Variants in PML observed in about 807,000 individuals in gnomAD.
PML encodes the protein PML nuclear body scaffold, also known as protein PML.
Under a neutral mutation model 65.2 loss-of-function variants are expected in PML, and 28 were observed. That is an observed-to-expected ratio of 0.43 (90% CI 0.32 to 0.59). The LOEUF is 0.59. PML is among the 20% of genes least tolerant of loss of function. The pLI, the probability that PML is intolerant of heterozygous loss-of-function variation, is 0.08. For synonymous variants in PML, 500 were observed against 508.8 expected, an observed-to-expected ratio of 0.98 and a Z score of 0.23; for missense variants, 1,021 against 1,203.4, an observed-to-expected ratio of 0.85 and a Z score of 2.24.
rs2071000556 is a variant in PML, at chr15:74,024,796, G to T, written c.1184-61G>T. On this transcript the variant is annotated intron_variant, in intron 3 of 8. Transcript: ENST00000268058. ...GACCTCCTCTCTATCACTGTCCCAG[G>T]TCAGGATGTCCCTTACCAGCATGTC... The T allele has an allele frequency of 4.1e-6, 5 of 1,211,032 alleles. No homozygotes were observed. In the Admixed American group the frequency reaches 5.0e-5, roughly 12 times the overall value. The allele number at this position is 1,211,032 out of a possible 1,614,324, so 75.0% of individuals were successfully genotyped here. A position where few individuals can be genotyped will look rare whatever the true frequency, so the allele number is the denominator to read the frequency against.
chr15:74,039,918 A>T (rs1022394125), intron 7 of PML, among the ~76,000 whole-genome samples: 14 of 152,122 alleles, frequency 9.2e-5, no homozygotes, highest in African/African-American at 3.1e-4. Flanking sequence ...TACAATGCCA[A>T]TCCAGCCACT....
At chr15:74,034,906 G>C (rs1426095819) in intron 7 of PML, 1 of 1,440,170 alleles carries the variant, frequency 6.9e-7, no homozygotes, top group Non-Finnish European at 9.1e-7. Flanking sequence ...GTGGGGGCCA[G>C]TGAAGGGGTG....
At chr15:74,016,498 T>A (rs1318599872) in intron 2 of PML, among the ~76,000 whole-genome samples, 1 of 152,044 alleles carries the variant, frequency 6.6e-6, no homozygotes, top group Non-Finnish European at 1.5e-5. Context: ...TTTGTTGTAA[T>A]ACCTAGATGG....
At chr15:74,010,710 G>C (rs1482971745) in intron 2 of PML, among the ~76,000 whole-genome samples, 1 of 152,120 alleles carries the variant, frequency 6.6e-6, no homozygotes, top group Non-Finnish European at 1.5e-5. Context: ...TTCGAAGCTT[G>C]AATTTGTGGA....
intron 2 of PML, among the ~76,000 whole-genome samples, chr15:74,021,896 GA>G (rs1280476482): frequency 6.6e-6 from 1 of 152,228 alleles, no homozygotes; most frequent in Non-Finnish European, 1.5e-5. Context: ...GCACCTAGAG[GA>G]ATGCTCTGAG....
At chr15:73,995,450 A>G (rs1184901060) in intron 1 of PML, among the ~76,000 whole-genome samples, 6 of 152,208 alleles carry the variant, frequency 3.9e-5, no homozygotes, top group African/African-American at 1.4e-4. Flanking sequence ...TTTCTGCTTA[A>G]GGAAGCCTCC....
At chr15:74,028,219 T>C (rs1475608421) in intron 4 of PML, 1 of 152,164 alleles carries the variant, frequency 6.6e-6, no homozygotes, top group African/African-American at 2.4e-5. Flanking sequence ...AAATTATAAA[T>C]CAGTCATTAT....
rs181107966 is a variant in PML, at chr15:74,045,155, C to T, written c.*147C>T. Reference sequence around the variant, plus strand: ...CAGAATCAGTTCCCTTTCTCTGGGACCAAATTTCCCTTCTCTAAACATCCT... The same window carrying T: ...CAGAATCAGTTCCCTTTCTCTGGGATCAAATTTCCCTTCTCTAAACATCCT... On this transcript the variant is annotated 3_prime_UTR_variant, in exon 9 of 9. Coordinates refer to ENST00000268058, the MANE Select transcript of PML (RefSeq NM_033238.3). 4.5e-4 allele frequency: 323 copies of T among 720,310 alleles called. 1 individual carries two copies. The African/African-American group carries it at 5.4e-3, about 12-fold the overall frequency. 44.6% of individuals were successfully genotyped at this position (720,310 alleles called of 1,614,324 possible).
Position 73,994,779 on chromosome 15 carries a change from A to G in PML, c.-34A>G. 1 of 1,550,542 alleles carries G rather than the reference A, an allele frequency of 6.4e-7. No individual in the cohort carries two copies. The highest frequency in any genetic ancestry group is 8.7e-7 in the Non-Finnish European group (1 of 1,146,864). Reference sequence around the variant, plus strand: ...TCAGCTTCTCTTCACGCACTCCAAGATCTAAACCGAGAATCGAAACTAAGC... The same window carrying G: ...TCAGCTTCTCTTCACGCACTCCAAGGTCTAAACCGAGAATCGAAACTAAGC... On this transcript the variant is annotated 5_prime_UTR_variant, in exon 1 of 9. Transcript: ENST00000268058.
At chr15:74,020,679 T>C (rs1229204664) in intron 2 of PML, among the ~76,000 whole-genome samples, 2 of 152,182 alleles carry the variant, frequency 1.3e-5, no homozygotes, top group African/African-American at 4.8e-5. Flanking sequence ...AGGTAAGAAG[T>C]CTGAAACAGG....
Position 74,037,116 on chromosome 15 carries a change from C to T in PML, c.1710+2586C>T. The T allele has an allele frequency of 2.0e-6, 2 of 985,448 alleles. No homozygotes were observed. Among genetic ancestry groups the T allele is most frequent in the Non-Finnish European group, 2.4e-6 (2 of 829,928 alleles). The allele number at this position is 985,448 out of a possible 1,614,324, so 61.0% of individuals were successfully genotyped here. ...GAAAACTATGAGTGGTTGCCTGTGACTGCTAAGGGCTCCTTGGTGCTCCGC... is the reference window on the plus strand; with the variant it reads ...GAAAACTATGAGTGGTTGCCTGTGATTGCTAAGGGCTCCTTGGTGCTCCGC... On this transcript the variant is annotated intron_variant, in intron 7 of 8. Transcript: ENST00000268058. This position sits in a 1 kb window ranked among gnomAD's most constrained non-coding sequence, Gnocchi z 4.2.
chr15:74,034,520 C>G lies in PML; in HGVS notation c.1700C>G (p.Ala567Gly), dbSNP rs371956504. Residue 567 changes from alanine to glycine, a missense_variant, in exon 7 of 9, where the codon GCC (alanine) becomes GGC (glycine). Ala to Gly is a moderately conservative substitution (Grantham distance 60). Coordinates refer to ENST00000268058, the MANE Select transcript of PML (RefSeq NM_033238.3). Reference protein sequence around the residue: ...VVISSSEDSDAENSSSRELDD... With the variant: ...VVISSSEDSDGENSSSRELDD... ...ATCAGCAGCTCGGAAGACTCAGATG[C>G]CGAAAACTCGGTGAGTGGCCCAGAA... is the stretch of plus-strand genomic sequence containing the variant. 1 of 1,614,166 alleles carries G rather than the reference C, an allele frequency of 6.2e-7. No individual in the cohort carries two copies. Among genetic ancestry groups the G allele is most frequent in the East Asian group, 2.2e-5 (1 of 44,882 alleles).
At position 74,022,835 on chromosome 15, in the gene PML, T is replaced by C. The variant is rs1270889485; in HGVS notation, c.610T>C (p.Cys204Arg). The change falls in exon 3 of 9, where the codon TGC (cysteine) becomes CGC (arginine). Residue 204 changes from cysteine to arginine, a missense_variant. Coordinates refer to ENST00000268058, the MANE Select transcript of PML (RefSeq NM_033238.3). The stretch of plus-strand genomic sequence containing the variant: ...AACCTTGTGTGTCCACAGCATCTAC[T>C]GCCGAGGATGTTCCAAGCCGCTGTG... Reference protein sequence around the residue: ...HRTPTLTSIYCRGCSKPLCCS... With the variant: ...HRTPTLTSIYRRGCSKPLCCS... 3.1e-6 allele frequency: 5 copies of C among 1,613,870 alleles called. No individual in the cohort carries two copies. Among genetic ancestry groups the C allele is most frequent in the Non-Finnish European group, 4.2e-6 (5 of 1,179,962 alleles).
rs907510372 is a variant in PML at position 74,046,073 on chromosome 15, T to C, written c.*1065T>C. 4.3e-6 allele frequency: 1 copy of C among 232,878 alleles called. No homozygotes were observed. Among genetic ancestry groups the C allele is most frequent in the Admixed American group, 5.6e-5 (1 of 17,768 alleles). The allele number at this position is 232,878 out of a possible 1,614,324, so 14.4% of individuals were successfully genotyped here. A position where few individuals can be genotyped will look rare whatever the true frequency, so the allele number is the denominator to read the frequency against. ...GAGTGTGGCCTAGGAACAGGTCCCT[T>C]CCTAAGCTCTAGTGTCCCCATCTGT... On this transcript the variant is annotated 3_prime_UTR_variant, in exon 9 of 9. Coordinates refer to ENST00000268058, the MANE Select transcript of PML (RefSeq NM_033238.3).
At position 73,998,061 on chromosome 15, in the gene PML, G is replaced by A. The variant is rs1308225290; in HGVS notation, c.187G>A (p.Glu63Lys). ...QFLRCQQCQAEAKCPKLLPCL... is the reference protein window; with the variant it reads ...QFLRCQQCQAKAKCPKLLPCL... ...TCTGCGCTGCCAGCAATGCCAGGCG[G>A]AAGCCAAGTGCCCGAAGCTGCTGCC... Residue 63 changes from glutamate (E) to lysine (K), a missense_variant, in exon 2 of 9, where the codon GAA becomes AAA. Coordinates refer to ENST00000268058, the MANE Select transcript of PML (RefSeq NM_033238.3). The A allele has an allele frequency of 1.2e-6, 2 of 1,613,368 alleles. No homozygotes were observed. The highest frequency in any genetic ancestry group is 1.3e-5 in the African/African-American group (1 of 75,036).
Position 74,045,096 on chromosome 15 carries a change from G to A in PML, c.*88G>A. 1.7e-6 allele frequency: 2 copies of A among 1,208,282 alleles called. No homozygotes were observed. Among genetic ancestry groups the A allele is most frequent in the Non-Finnish European group, 2.3e-6 (2 of 872,822 alleles). The allele number at this position is 1,208,282 out of a possible 1,614,324, so 74.8% of individuals were successfully genotyped here. ...GCCCCACCCATCACAGCATTCCCAG[G>A]TCCTGGTACCCAGCCCTCAGTTGTC... On this transcript the variant is annotated 3_prime_UTR_variant, in exon 9 of 9. Coordinates refer to ENST00000268058, the MANE Select transcript of PML (RefSeq NM_033238.3).
Position 74,043,451 on chromosome 15 carries a change from G to C in PML, c.1861+312G>C, listed in dbSNP as rs1323686348. ...ACACTCCTAGACAGAAACACAATGC[G>C]TGAGCTCATTGCCGTGAGCCCTGTC... On this transcript the variant is annotated intron_variant, in intron 8 of 8. Transcript: ENST00000268058. The surrounding 1 kb of genome is among the most constrained non-coding windows in gnomAD (Gnocchi z 4.3). 1 of 1,283,146 alleles carries C rather than the reference G, an allele frequency of 7.8e-7. No individual in the cohort carries two copies. The highest frequency in any genetic ancestry group is 1.5e-5 in the African/African-American group (1 of 66,962). The allele number at this position is 1,283,146 out of a possible 1,614,324, so 79.5% of individuals were successfully genotyped here.
At chr15:74,009,750 G>A (rs1341120590) in intron 2 of PML, among the ~76,000 whole-genome samples, 1 of 152,012 alleles carries the variant, frequency 6.6e-6, no homozygotes. Context: ...TTGTAGAGAC[G>A]AGTTTTCACC....
chr15:74,016,963 A>AT (rs2070618485), intron 2 of PML, among the ~76,000 whole-genome samples: 1 of 151,288 alleles, frequency 6.6e-6, no homozygotes, highest in Non-Finnish European at 1.5e-5. Context: ...TGCCCGGCCA[A>AT]TTTTTTGTAT....
Sources: allele counts gnomAD v4.1 joint callset (sites outside exome capture counted in the v4.1 genomes callset), GRCh38; gene constraint gnomAD v4.1.1; non-coding constraint Gnocchi (gnomAD v3.1); transcripts MANE v1.5; gene names NCBI Gene and HGNC (gene_info 2026-07-23, HGNC 2026-07-21).